NOTCH3: variants seen among roughly 807,000 people sequenced by gnomAD.
The protein encoded by NOTCH3 is neurogenic locus notch homolog protein 3.
In NOTCH3, 86 loss-of-function variants were observed where a neutral mutation model predicts 213.3. That is an observed-to-expected ratio of 0.40 (90% CI 0.34 to 0.48). NOTCH3 has a LOEUF of 0.48. NOTCH3 is among the 20% of genes least tolerant of loss of function. The pLI is 0.57. For missense variants in NOTCH3, 2,783 were observed against 3,272.6 expected (o/e 0.85, Z 3.65); for synonymous variants, 1,354 against 1,355.9 (o/e 1.00, Z 0.03).
chr19:15,172,338 G>C (rs1434859426), intron 25 of NOTCH3, among the ~76,000 whole-genome samples: 1 of 151,946 alleles, frequency 6.6e-6, no homozygotes, highest in East Asian at 1.9e-4. Context: ...TATCTTTCTT[G>C]TTTGTGTCTT....
At chr19:15,192,852 T>C (rs1241000437) in intron 2 of NOTCH3, among the ~76,000 whole-genome samples, 1 of 151,782 alleles carries the variant, frequency 6.6e-6, no homozygotes, top group East Asian at 1.9e-4. Flanking sequence ...GAGGTGGAGG[T>C]TGCAGTGAGC....
Position 15,196,973 on chromosome 19 carries a change from T to A in NOTCH3, c.197+527A>T, listed in dbSNP as rs546955824. Among the ~76,000 whole-genome samples, 4 of 152,314 alleles carry A rather than the reference T, an allele frequency of 2.6e-5. No individual in the cohort carries two copies. The South Asian group carries it at 6.2e-4, about 24-fold the overall frequency. On this transcript the variant is annotated intron_variant, in intron 2 of 32. Coordinates refer to ENST00000263388, the MANE Select transcript of NOTCH3 (RefSeq NM_000435.3). ...TCACAGTCGCCAGTGAAGCATTCCC[T>A]ATTTCACAGGTGCAATGATGATCAG...
chr19:15,173,744 A>AAGAAGAAGAAGAAGAAGAAGAAG (rs1568351744), intron 25 of NOTCH3, among the ~76,000 whole-genome samples: 1 of 2,946 alleles, frequency 3.4e-4, no homozygotes, highest in African/African-American at 2.4e-3. Context: ...AAAAAAAAGA[A>AAGAAGAAGAAGAAGAAGAAGAAG]AAGAAGAAGG....
In NOTCH3 at chr19:15,181,132, G is replaced by T; in HGVS notation, c.2823C>A (p.Asp941Glu). 1 of 1,605,924 alleles carries T rather than the reference G, an allele frequency of 6.2e-7. No individual in the cohort carries two copies. The highest frequency in any genetic ancestry group is 1.1e-5 in the South Asian group (1 of 90,058). Residue 941 changes from aspartate to glutamate, a missense_variant, in exon 18 of 33, where the codon GAC becomes GAA. Asp to Glu is a conservative substitution (Grantham distance 45). Transcript: ENST00000263388. ...SSCFNGGTCV[D>E]GVNSFSCLCR... The stretch of plus-strand genomic sequence containing the variant: ...ACAGGCAGCTGAACGAGTTCACGCC[G>T]TCCACACAGGTCCCGCCATTGAAGC...
intron 24 of NOTCH3, among the ~76,000 whole-genome samples, chr19:15,175,512 C>T (rs2046779986): frequency 9.3e-6 from 1 of 107,200 alleles, no homozygotes; most frequent in Admixed American, 1.3e-4. Flanking sequence ...CCAGCCTGGG[C>T]AATGGGAGAG....
chr19:15,184,811 G>A (rs2046867648), intron 15 of NOTCH3, 95 bp downstream of exon 15: 1 of 748,864 alleles, frequency 1.3e-6, no homozygotes, highest in Non-Finnish European at 2.3e-6. Flanking sequence ...GGCAGGGCTG[G>A]GGATGGGTCC....
chr19:15,176,159 ATTTTTTT>A (rs34620350), intron 24 of NOTCH3, among the ~76,000 whole-genome samples: 11 of 119,976 alleles, frequency 9.2e-5, no homozygotes, highest in South Asian at 5.0e-4. Context: ...AACAAAAGCA[ATTTTTTT>A]TTTTTTTTTT....
Position 15,189,128 on chromosome 19 carries a change from G to A in NOTCH3, c.1239C>T (p.Gly413=), listed in dbSNP as rs1329867708. The A allele has an allele frequency of 4.3e-6, 7 of 1,613,248 alleles. No individual in the cohort carries two copies. Among genetic ancestry groups the A allele is most frequent in the Non-Finnish European group, 5.9e-6 (7 of 1,180,040 alleles). Residue 413 remains glycine (G), a synonymous_variant, in exon 8 of 33, where the codon GGC becomes GGT. Coordinates refer to ENST00000263388, the MANE Select transcript of NOTCH3 (RefSeq NM_000435.3). ...EHLGRCVNTQ[G]SFLCQCGRGY... ...CACGACCGCACTGGCACAGGAAGGA[G>A]CCCTGCGTGTTCACGCACCTGCCCA...
Position 15,189,430 on chromosome 19 carries a change from TG to T in NOTCH3, c.1037-3del. ...CGTCATCCAGGTGACACAGGAGGCC[TG>T]GGAAGTGGTAAGCAGAAGTCATAGG... On this transcript the variant is annotated splice_region_variant and splice_polypyrimidine_tract_variant and intron_variant, in intron 6 of 32. Coordinates refer to ENST00000263388, the MANE Select transcript of NOTCH3 (RefSeq NM_000435.3). 4 of 1,613,654 alleles carry T rather than the reference TG, an allele frequency of 2.5e-6. No homozygotes were observed. The highest frequency in any genetic ancestry group is 3.4e-6 in the Non-Finnish European group (4 of 1,180,030).
chr19:15,173,987 G>A (rs1157390136), intron 25 of NOTCH3, 81 bp downstream of exon 25: 2 of 1,253,638 alleles, frequency 1.6e-6, no homozygotes, highest in Non-Finnish European at 2.2e-6. Flanking sequence ...GGCATTAAGT[G>A]AAATGAAACA....
Position 15,181,083 on chromosome 19 carries a change from G to C in NOTCH3, c.2872C>G (p.His958Asp), listed in dbSNP as rs2046837026. The C allele has an allele frequency of 6.2e-7, 1 of 1,609,312 alleles. No homozygotes were observed. The highest frequency in any genetic ancestry group is 8.5e-7 in the Non-Finnish European group (1 of 1,178,592). The change falls in exon 18 of 33, where the codon CAC (histidine) becomes GAC (aspartate). Residue 958 changes from histidine (H) to aspartate (D), a missense_variant. His to Asp is a moderately conservative substitution (Grantham distance 81). Transcript: ENST00000263388. ...CAGGGGTCTGCCTCATGTTGGCAGTGGGCTCCTGTGTAGCCGGGACGGCAC... is the reference window on the plus strand; with the variant it reads ...CAGGGGTCTGCCTCATGTTGGCAGTCGGCTCCTGTGTAGCCGGGACGGCAC... ...CLCRPGYTGA[H>D]CQHEADPCLS... is the part of the protein sequence containing the mutation.
At chr19:15,195,372 C>T (rs2046961327) in intron 2 of NOTCH3, among the ~76,000 whole-genome samples, 1 of 152,080 alleles carries the variant, frequency 6.6e-6, no homozygotes, top group Non-Finnish European at 1.5e-5. Flanking sequence ...GACTGGAAAT[C>T]TCCAAGGGGC....
At position 15,180,188 on chromosome 19, in the gene NOTCH3, C is replaced by T. The variant is rs760205888; in HGVS notation, c.3211G>A (p.Val1071Met). The T allele has an allele frequency of 8.1e-6, 13 of 1,613,760 alleles. No individual in the cohort carries two copies. Among genetic ancestry groups the T allele is most frequent in the Middle Eastern group, 1.7e-4 (1 of 5,984 alleles). Residue 1071 changes from valine (V) to methionine (M), a missense_variant, in exon 20 of 33, where the codon GTG (valine) becomes ATG (methionine). Val to Met is a conservative substitution (Grantham distance 21, BLOSUM62 1). Transcript: ENST00000263388. ...CVDEDSSHYC[V>M]CPEGRTGSHC... ...CTACCAGTACGGCCCTCTGGGCACA[C>T]GCAGTAGTGGGAGCTGTCTTCATCC...
rs184708055 is a variant in NOTCH3 at position 15,174,473 on chromosome 19, C to T, written c.4404-73G>A. ...GAGACAATCCCCTTCCATGCATTCA[C>T]ACCGTAGAGTACAGAGACTCCAGAC... On this transcript the variant is annotated intron_variant, in intron 24 of 32. Transcript: ENST00000263388. 0.014 allele frequency: 15,557 copies of T among 1,110,622 alleles called. 165 individuals are homozygous for T. Among genetic ancestry groups the T allele is most frequent in the Non-Finnish European group, 0.018 (14,099 of 783,238 alleles). 68.8% of individuals were successfully genotyped at this position (1,110,622 alleles called of 1,614,324 possible).
Position 15,180,108 on chromosome 19 carries a change from C to A in NOTCH3, c.3291G>T (p.Gly1097=), listed in dbSNP as rs759267180. 1 of 1,611,948 alleles carries A rather than the reference C, an allele frequency of 6.2e-7. No homozygotes were observed. The highest frequency in any genetic ancestry group is 8.5e-7 in the Non-Finnish European group (1 of 1,179,220). ...AGCCCCCCATATAGCCACGGCAGGT[C>A]CCCCCATGCTGGCAGGGCTGGGCCA... The part of the protein sequence containing the change: ...PCLAQPCQHG[G]TCRGYMGGYM... The change falls in exon 20 of 33, where the codon GGG becomes GGT. Residue 1097 remains glycine (G), a synonymous_variant. Transcript: ENST00000263388.
chr19:15,189,516 G>A (rs2046911788), intron 6 of NOTCH3, 88 bp from the exon 7 acceptor site: 1 of 1,520,932 alleles, frequency 6.6e-7, no homozygotes, highest in Non-Finnish European at 9.1e-7. Context: ...TGTCGTTGTT[G>A]TTGTTTTGTT....
In NOTCH3 at chr19:15,191,653, C is replaced by T; in HGVS notation, c.807G>A (p.Gln269=). 6.2e-7 allele frequency: 1 copy of T among 1,613,620 alleles called. No homozygotes were observed. Among genetic ancestry groups the T allele is most frequent in the South Asian group, 1.1e-5 (1 of 91,072 alleles). The part of the protein sequence containing the change: ...NCQCPPEWTG[Q]FCTEDVDECQ... Reference sequence around the variant, plus strand: ...ACTCATCCACGTCCTCCGTGCAGAACTGGCCTGTGGCACACAGATGCAGCA... The same window carrying T: ...ACTCATCCACGTCCTCCGTGCAGAATTGGCCTGTGGCACACAGATGCAGCA... The change falls in exon 6 of 33, where the codon CAG becomes CAA. Residue 269 remains glutamine (Q), a synonymous_variant. Coordinates refer to ENST00000263388, the MANE Select transcript of NOTCH3 (RefSeq NM_000435.3).
intron 24 of NOTCH3, among the ~76,000 whole-genome samples, chr19:15,174,793 TG>T (rs1427532854): frequency 6.6e-6 from 1 of 152,104 alleles, no homozygotes; most frequent in Admixed American, 6.6e-5. Flanking sequence ...AGGCTGCTGT[TG>T]AACTCCTGAC....
intron 29 of NOTCH3, among the ~76,000 whole-genome samples, chr19:15,166,599 G>A (rs149390060): frequency 8.6e-4 from 131 of 152,334 alleles, no homozygotes; most frequent in African/African-American, 2.4e-3. Context: ...AGAGCCATAA[G>A]TACAGGCCAT....
Sources: gnomAD v4.1 joint callset for allele counts (sites outside exome capture counted in the v4.1 genomes callset) on GRCh38, gnomAD v4.1.1 for gene constraint, MANE v1.5 for transcripts, NCBI Gene and HGNC (gene_info 2026-07-23, HGNC 2026-07-21) for gene names.